Variants in GABRG3 observed in about 807,000 individuals in gnomAD.
The protein encoded by GABRG3 is gamma-aminobutyric acid type A receptor subunit gamma3, also known as gamma-aminobutyric acid receptor subunit gamma-3.
GABRG3 carries 25 observed loss-of-function variants against 48.8 expected under a neutral mutation model. The observed-to-expected ratio is 0.51, with a 90% CI of 0.37 to 0.72. The LOEUF (loss-of-function observed/expected upper bound fraction) is 0.72. Ranked by LOEUF, GABRG3 falls within the 30% of genes least tolerant of loss-of-function variation. The probability of loss-of-function intolerance (pLI) is 0.00; values close to 1 mark genes in which losing one functional copy is unlikely to be tolerated. For missense variants in GABRG3, 394 were observed against 577.9 expected (o/e 0.68, Z 3.26); for synonymous variants, 227 against 217.6 (o/e 1.04, Z -0.38).
intron 3 of GABRG3, among the ~76,000 whole-genome samples, chr15:27,050,710 T>A (rs1896441902): frequency 6.6e-6 from 1 of 152,074 alleles, no homozygotes; most frequent in African/African-American, 2.4e-5. Flanking sequence ...AAGTTATTTT[T>A]ATAAACTTTT....
chr15:27,353,426 C>G (rs999804429), intron 5 of GABRG3, among the ~76,000 whole-genome samples: 1 of 146,016 alleles, frequency 6.8e-6, no homozygotes, highest in South Asian at 2.2e-4. Context: ...TTCTTTCTTT[C>G]TATTTATTTA....
At chr15:27,415,948 T>C (rs1887928554) in intron 5 of GABRG3, among the ~76,000 whole-genome samples, 1 of 152,182 alleles carries the variant, frequency 6.6e-6, no homozygotes, top group Non-Finnish European at 1.5e-5. Flanking sequence ...TACCTGCTCC[T>C]TTCCTCTTGC....
At chr15:27,029,961 C>T (rs889133180) in intron 3 of GABRG3, among the ~76,000 whole-genome samples, 3 of 152,018 alleles carry the variant, frequency 2.0e-5, no homozygotes, top group African/African-American at 4.8e-5. Flanking sequence ...TGCAACCAAA[C>T]GACGCAATTT....
chr15:27,464,661 G>A (rs1016807038), intron 5 of GABRG3, among the ~76,000 whole-genome samples: 4 of 152,028 alleles, frequency 2.6e-5, no homozygotes, highest in African/African-American at 9.7e-5. Flanking sequence ...CATCCTAGCG[G>A]GTATGAAGTG....
In GABRG3 at chr15:27,164,507, G is replaced by A. The variant is rs967198248; in HGVS notation, c.270+137686G>A. ...AGTTGCAGCTGAAAGATCTTTCATA[G>A]CTTTGATCCAGGTTTGATCCAGGAA... On this transcript the variant is annotated intron_variant, in intron 3 of 9. Transcript: ENST00000615808. 2.0e-5 allele frequency among the ~76,000 whole-genome samples: 3 copies of A among 152,178 alleles called. No individual in the cohort carries two copies. In the South Asian group the frequency reaches 6.2e-4, roughly 32 times the overall value.
chr15:27,099,001 A>G (rs944508455), intron 3 of GABRG3, among the ~76,000 whole-genome samples: 3 of 152,150 alleles, frequency 2.0e-5, no homozygotes, highest in African/African-American at 7.2e-5. Flanking sequence ...TAATATGTCC[A>G]AAGTGCCGAG....
intron 5 of GABRG3, among the ~76,000 whole-genome samples, chr15:27,330,556 C>A (rs1893770215): frequency 6.6e-6 from 1 of 152,228 alleles, no homozygotes; most frequent in Admixed American, 6.5e-5. Context: ...GTGTTTAAAT[C>A]ATTCACAGAG....
intron 5 of GABRG3, among the ~76,000 whole-genome samples, chr15:27,355,731 C>G (rs775267391): frequency 6.6e-6 from 1 of 152,132 alleles, no homozygotes; most frequent in Admixed American, 6.5e-5. Context: ...AGATGTCTAT[C>G]GCTAATGAAT....
intron 3 of GABRG3, among the ~76,000 whole-genome samples, chr15:27,313,294 A>ATG (rs1893089687): frequency 9.0e-6 from 1 of 111,006 alleles, no homozygotes; most frequent in African/African-American, 3.4e-5. Context: ...ATATATATAT[A>ATG]TATATATATA....
intron 1 of GABRG3, among the ~76,000 whole-genome samples, chr15:26,973,420 CTA>C: frequency 6.6e-6 from 1 of 152,192 alleles, no homozygotes; most frequent in Non-Finnish European, 1.5e-5. Context: ...AACTTTATTG[CTA>C]TATGCCTCTT....
chr15:27,123,683 G>A (rs940701118), intron 3 of GABRG3, among the ~76,000 whole-genome samples: 3 of 152,146 alleles, frequency 2.0e-5, no homozygotes, highest in Non-Finnish European at 4.4e-5. Flanking sequence ...GTGGTGTCCC[G>A]AGTGATTAGC....
At chr15:27,129,734 G>C (rs1341333130) in intron 3 of GABRG3, among the ~76,000 whole-genome samples, 1 of 150,364 alleles carries the variant, frequency 6.7e-6, no homozygotes, top group African/African-American at 2.4e-5. Context: ...TTTCATAACA[G>C]CCATGCTAAT....
At chr15:27,106,093 CAG>C (rs552764722) in intron 3 of GABRG3, among the ~76,000 whole-genome samples, 178 of 152,066 alleles carry the variant, frequency 1.2e-3, no homozygotes, top group African/African-American at 4.1e-3. Flanking sequence ...TATACAGAAA[CAG>C]AAAATAAAAC....
At chr15:27,383,380 T>G (rs536458217) in intron 5 of GABRG3, among the ~76,000 whole-genome samples, 7 of 152,326 alleles carry the variant, frequency 4.6e-5, no homozygotes, top group African/African-American at 1.7e-4. Context: ...CCCTGTCTTG[T>G]GCTCCTGTGA....
chr15:27,030,869 A>G (rs1044619905), intron 3 of GABRG3, among the ~76,000 whole-genome samples: 6 of 152,136 alleles, frequency 3.9e-5, no homozygotes, highest in South Asian at 2.1e-4. Context: ...TTCCTAGTCA[A>G]TATGGACACA....
rs1050154325 is a variant in GABRG3, at chr15:27,339,236, C to T, written c.574+10348C>T. Among the ~76,000 whole-genome samples, 6 of 152,220 alleles carry T rather than the reference C, an allele frequency of 3.9e-5. No homozygotes were observed. The East Asian group carries it at 5.8e-4, about 15-fold the overall frequency. On this transcript the variant is annotated intron_variant, in intron 5 of 9. Transcript: ENST00000615808. ...GGAAGTCCACCTTCCCAGGTGAGGG[C>T]GGAGCCTACCAGACATGTAGACGTC... is the stretch of plus-strand genomic sequence containing the variant.
chr15:27,109,603 C>T (rs550062998), intron 3 of GABRG3, among the ~76,000 whole-genome samples: 7 of 152,234 alleles, frequency 4.6e-5, no homozygotes, highest in South Asian at 2.1e-4. Flanking sequence ...TTTTCTCAGC[C>T]GGGCGCAGTG....
At chr15:27,454,348 A>C (rs1889198345) in intron 5 of GABRG3, among the ~76,000 whole-genome samples, 1 of 152,226 alleles carries the variant, frequency 6.6e-6, no homozygotes, top group African/African-American at 2.4e-5. Flanking sequence ...CCCACGCCTT[A>C]TCTAAGCATT....
intron 5 of GABRG3, among the ~76,000 whole-genome samples, chr15:27,423,253 A>C (rs1014348650): frequency 6.9e-4 from 104 of 150,844 alleles, no homozygotes; most frequent in Admixed American, 1.1e-3. Flanking sequence ...AAAAAAAAAA[A>C]AAAAAAAAAA....
Sources: allele counts gnomAD v4.1 joint callset (sites outside exome capture counted in the v4.1 genomes callset), GRCh38; gene constraint gnomAD v4.1.1; transcripts MANE v1.5; gene names NCBI Gene and HGNC (gene_info 2026-07-23, HGNC 2026-07-21).